The following ZNF362 variants were observed in gnomAD, a reference collection of about 807,000 sequenced individuals.
The protein encoded by ZNF362 is rotund homolog.
ZNF362 carries 11 observed loss-of-function variants against 42.9 expected under a neutral mutation model. The ratio of observed to expected loss-of-function variants is 0.26; its 90% CI spans 0.16 to 0.42. The LOEUF (loss-of-function observed/expected upper bound fraction) is 0.42, where lower values mean the gene tolerates loss of function less well. ZNF362 is among the 20% of genes least tolerant of loss of function. The pLI is 1.00. For synonymous variants in ZNF362, 255 were observed against 257.3 expected, an observed-to-expected ratio of 0.99 and a Z score of 0.09; for missense variants, 362 against 576.2, an observed-to-expected ratio of 0.63 and a Z score of 3.81.
chr1:33,279,111 A>C (rs1210589693), intron 4 of ZNF362, among the ~76,000 whole-genome samples: 3 of 152,044 alleles, frequency 2.0e-5, no homozygotes, highest in African/African-American at 7.3e-5. Context: ...TGAAGCCTCG[A>C]CCTCTGGGGC....
the ZNF362 span, chr1:33,147,012 G>C: frequency 1.3e-5 from 9 of 667,184 alleles, no homozygotes; most frequent in Middle Eastern, 3.9e-4. The surrounding 1 kb of genome is among the most constrained non-coding windows in gnomAD (Gnocchi z 8.1). Flanking sequence ...AGTTTAGGAA[G>C]TAGGGAATGC....
the ZNF362 span, chr1:33,181,371 G>A: frequency 3.8e-6 from 6 of 1,599,584 alleles, no homozygotes; most frequent in Non-Finnish European, 4.3e-6. This position sits in a 1 kb window ranked among gnomAD's most constrained non-coding sequence, Gnocchi z 6.5. Flanking sequence ...CAGGCTCACC[G>A]GGTCCTGGTA....
At chr1:33,225,787 T>A in the ZNF362 span, among the ~76,000 whole-genome samples, 3 of 152,206 alleles carry the variant, frequency 2.0e-5, no homozygotes, top group African/African-American at 7.2e-5. Flanking sequence ...CAACTTGTTG[T>A]CAATCTTCAG....
chr1:33,153,865 G>T, the ZNF362 span, among the ~76,000 whole-genome samples: 1 of 152,338 alleles, frequency 6.6e-6, no homozygotes, highest in Admixed American at 6.5e-5. Context: ...CATTTGCTGT[G>T]CTAGCTGCTG....
At chr1:33,210,711 G>A in the ZNF362 span, among the ~76,000 whole-genome samples, 1 of 151,932 alleles carries the variant, frequency 6.6e-6, no homozygotes, top group South Asian at 2.1e-4. Context: ...ATCTTTGTTG[G>A]TTTAAAGTCT....
At chr1:33,180,992 C>T in the ZNF362 span, 7,300 of 1,452,732 alleles carry the variant, frequency 5.0e-3, 30 homozygotes, top group Non-Finnish European at 6.2e-3. Context: ...CAGCCCGGCC[C>T]CGCCCCTTCC....
the ZNF362 span, among the ~76,000 whole-genome samples, chr1:33,143,744 A>C: frequency 2.0e-5 from 3 of 152,226 alleles, no homozygotes; most frequent in Admixed American, 6.5e-5. Context: ...ATGACTTAAC[A>C]GAAAGCCAAC....
the ZNF362 span, chr1:33,147,119 G>A: frequency 1.3e-6 from 2 of 1,574,366 alleles, no homozygotes; most frequent in Non-Finnish European, 1.7e-6. This position sits in a 1 kb window ranked among gnomAD's most constrained non-coding sequence, Gnocchi z 8.1. Context: ...CTATCTCCTG[G>A]GCAGGGCTCT....
chr1:33,271,316 T>C (rs147064897), intron 2 of ZNF362, among the ~76,000 whole-genome samples: 84 of 152,328 alleles, frequency 5.5e-4, no homozygotes, highest in African/African-American at 1.9e-3. Context: ...CTCAAGCTGT[T>C]GCTTCTGCTG....
chr1:33,177,474 C>A, the ZNF362 span, among the ~76,000 whole-genome samples: 1 of 151,998 alleles, frequency 6.6e-6, no homozygotes, highest in Non-Finnish European at 1.5e-5. The surrounding 1 kb of genome is among the most constrained non-coding windows in gnomAD (Gnocchi z 4.1). Context: ...AGGATCTGAC[C>A]CCTGTGATGT....
the ZNF362 span, among the ~76,000 whole-genome samples, chr1:33,230,037 T>C: frequency 3.9e-5 from 6 of 152,198 alleles, no homozygotes; most frequent in Non-Finnish European, 8.8e-5. Flanking sequence ...AGCTGGATTT[T>C]TTTGTTTGTT....
At chr1:33,284,190 C>A (rs1372800591) in intron 6 of ZNF362, among the ~76,000 whole-genome samples, 2 of 152,186 alleles carry the variant, frequency 1.3e-5, no homozygotes, top group Admixed American at 1.3e-4. Flanking sequence ...CTTTTTATAA[C>A]CTTAAAGGCT....
the ZNF362 span, among the ~76,000 whole-genome samples, chr1:33,236,548 A>T: frequency 0.055 from 329 of 5,952 alleles, 9 homozygotes; most frequent in African/African-American, 0.08. Context: ...AAAAAAAAAA[A>T]AAATATATAT....
the ZNF362 span, among the ~76,000 whole-genome samples, chr1:33,212,597 G>A: frequency 2.2e-4 from 33 of 152,292 alleles, no homozygotes; most frequent in Admixed American, 1.9e-3. Context: ...TACAATCATG[G>A]CAGAAGACAA....
At chr1:33,250,788 A>T in the ZNF362 span, among the ~76,000 whole-genome samples, 1 of 150,384 alleles carries the variant, frequency 6.6e-6, no homozygotes, top group Admixed American at 6.6e-5. Flanking sequence ...AGAAAGAAGG[A>T]GAAGGAGGAG....
At chr1:33,129,283 C>A in the ZNF362 span, among the ~76,000 whole-genome samples, 3 of 152,074 alleles carry the variant, frequency 2.0e-5, no homozygotes, top group African/African-American at 7.2e-5. The surrounding 1 kb of genome is among the most constrained non-coding windows in gnomAD (Gnocchi z 4.1). Flanking sequence ...TTCATCATAT[C>A]CCTCCTAACT....
At chr1:33,159,340 T>A in the ZNF362 span, among the ~76,000 whole-genome samples, 1 of 152,126 alleles carries the variant, frequency 6.6e-6, no homozygotes, top group African/African-American at 2.4e-5. The surrounding 1 kb of genome is among the most constrained non-coding windows in gnomAD (Gnocchi z 4.2). Context: ...CTATAATGTA[T>A]ACAGAATATA....
intron 1 of ZNF362, among the ~76,000 whole-genome samples, chr1:33,260,690 T>C: frequency 6.6e-6 from 1 of 152,114 alleles, no homozygotes; most frequent in East Asian, 1.9e-4. Context: ...GCTGGGGCTT[T>C]TGTAGAGGTG....
the ZNF362 span, chr1:33,147,067 C>T: frequency 8.1e-7 from 1 of 1,229,352 alleles, no homozygotes; most frequent in Non-Finnish European, 1.1e-6. The surrounding 1 kb of genome is among the most constrained non-coding windows in gnomAD (Gnocchi z 8.1). Flanking sequence ...AACAACTGGC[C>T]TGAGGTCTCC....
Sources: gnomAD v4.1 joint callset for allele counts (sites outside exome capture counted in the v4.1 genomes callset) on GRCh38, gnomAD v4.1.1 for gene constraint, Gnocchi (gnomAD v3.1) non-coding constraint, MANE v1.5 for transcripts, NCBI Gene and HGNC (gene_info 2026-07-23, HGNC 2026-07-21) for gene names.